The following RUNDC3B variants were observed in gnomAD, a reference collection of about 807,000 sequenced individuals.
The protein encoded by RUNDC3B is RUN domain containing 3B, also known as RUN domain-containing protein 3B.
Under a neutral mutation model 58.4 loss-of-function variants are expected in RUNDC3B, and 33 were observed. That is an observed-to-expected ratio of 0.56 (90% CI 0.43 to 0.75). The LOEUF (loss-of-function observed/expected upper bound fraction) is 0.75. RUNDC3B is among the 30% of genes least tolerant of loss of function. The pLI is 0.00. For missense variants in RUNDC3B, 501 were observed against 535.7 expected (o/e 0.94, Z 0.64); for synonymous variants, 193 against 195.2 (o/e 0.99, Z 0.10).
At chr7:87,642,310 A>C (rs1028982342) in intron 1 of RUNDC3B, among the ~76,000 whole-genome samples, 3 of 152,042 alleles carry the variant, frequency 2.0e-5, no homozygotes, top group Non-Finnish European at 2.9e-5. Context: ...ATAAACCATG[A>C]AGACTATATG....
chr7:87,831,079 T>G lies in RUNDC3B; in HGVS notation c.*1049T>G, dbSNP rs569173343. 39 of 151,252 alleles carry G rather than the reference T, an allele frequency of 2.6e-4. No individual in the cohort carries two copies. The highest frequency in any genetic ancestry group is 4.4e-4 in the African/African-American group (18 of 41,072). The allele number at this position is 151,252 out of a possible 1,614,324, so 9.4% of individuals were successfully genotyped here. On this transcript the variant is annotated 3_prime_UTR_variant, in exon 11 of 11. Transcript: ENST00000394654. ...CACTTATACACAGGTAAAATTAGTT[T>G]TTTTTTTTTTAAAGTTGTAATCTGT...
rs112188226 is a variant in RUNDC3B at position 87,674,224 on chromosome 7, C to T, written c.238+23287C>T. Among the ~76,000 whole-genome samples the T allele has an allele frequency of 4.3e-3, 653 of 152,214 alleles. 4 individuals are homozygous for T. Among genetic ancestry groups the T allele is most frequent in the Non-Finnish European group, 5.7e-3 (389 of 68,000 alleles). Reference sequence around the variant, plus strand: ...TCTGCAGAAGTATAGCGAGGTACACCCTCATTGGCTGGGGCAGGGTACCAG... The same window carrying T: ...TCTGCAGAAGTATAGCGAGGTACACTCTCATTGGCTGGGGCAGGGTACCAG... On this transcript the variant is annotated intron_variant, in intron 2 of 10. Coordinates refer to ENST00000394654, the MANE Select transcript of RUNDC3B (RefSeq NM_001134405.2).
At chr7:87,652,397 T>C (rs1379662213) in intron 2 of RUNDC3B, among the ~76,000 whole-genome samples, 1 of 152,016 alleles carries the variant, frequency 6.6e-6, no homozygotes, top group East Asian at 1.9e-4. Flanking sequence ...TTCAGCAAAA[T>C]ATAGATCACA....
chr7:87,646,414 T>G (rs983088878), intron 1 of RUNDC3B, among the ~76,000 whole-genome samples: 5 of 152,202 alleles, frequency 3.3e-5, no homozygotes, highest in African/African-American at 9.6e-5. Context: ...TAGATTTTTA[T>G]TTTTGATGAA....
intron 6 of RUNDC3B, among the ~76,000 whole-genome samples, chr7:87,765,758 A>G (rs1000246216): frequency 6.6e-6 from 1 of 152,068 alleles, no homozygotes; most frequent in Non-Finnish European, 1.5e-5. Flanking sequence ...TGAGAAAAAT[A>G]TATATTCTGT....
intron 8 of RUNDC3B, among the ~76,000 whole-genome samples, chr7:87,783,803 T>A (rs1441951793): frequency 2.0e-5 from 3 of 152,230 alleles, no homozygotes; most frequent in Non-Finnish European, 4.4e-5. Context: ...GTATTTCTTT[T>A]CTTTAAGAAT....
intron 2 of RUNDC3B, among the ~76,000 whole-genome samples, chr7:87,654,757 A>C (rs1374642054): frequency 6.6e-6 from 1 of 152,114 alleles, no homozygotes; most frequent in Non-Finnish European, 1.5e-5. Context: ...ACATCATCAG[A>C]GTAAAGAGAC....
At chr7:87,736,238 G>A (rs989423253) in intron 4 of RUNDC3B, among the ~76,000 whole-genome samples, 3 of 151,990 alleles carry the variant, frequency 2.0e-5, no homozygotes, top group Non-Finnish European at 4.4e-5. Flanking sequence ...TTAATATTGT[G>A]CTTTCAAATA....
intron 1 of RUNDC3B, 103 bp downstream of exon 1, chr7:87,629,048 CA>C: frequency 9.0e-7 from 1 of 1,107,564 alleles, no homozygotes; most frequent in Non-Finnish European, 1.2e-6. Context: ...GGCTGCCGCC[CA>C]GTGCCCCCGC....
chr7:87,645,915 ATATGAATG>A (rs1260271460), intron 1 of RUNDC3B, among the ~76,000 whole-genome samples: 2 of 152,182 alleles, frequency 1.3e-5, no homozygotes, highest in Admixed American at 6.5e-5. Context: ...GGAGAGCAGG[ATATGAATG>A]ATGAAGCAAA....
At chr7:87,798,514 G>T (rs1168983664) in intron 8 of RUNDC3B, among the ~76,000 whole-genome samples, 1 of 152,060 alleles carries the variant, frequency 6.6e-6, no homozygotes, top group Non-Finnish European at 1.5e-5. Flanking sequence ...CCTTCATGTT[G>T]AATCTTGTGT....
chr7:87,818,305 T>C (rs548252527), intron 10 of RUNDC3B, among the ~76,000 whole-genome samples: 1 of 152,292 alleles, frequency 6.6e-6, no homozygotes, highest in African/African-American at 2.4e-5. Flanking sequence ...TAAAAGTTAC[T>C]TACAGAGTTT....
At chr7:87,742,028 G>A (rs893502036) in intron 6 of RUNDC3B, among the ~76,000 whole-genome samples, 1 of 152,070 alleles carries the variant, frequency 6.6e-6, no homozygotes, top group Non-Finnish European at 1.5e-5. Flanking sequence ...TGAAAAATCT[G>A]ATGACTCTTA....
At chr7:87,658,034 G>T (rs760017634) in intron 2 of RUNDC3B, among the ~76,000 whole-genome samples, 1 of 152,090 alleles carries the variant, frequency 6.6e-6, no homozygotes, top group Non-Finnish European at 1.5e-5. Flanking sequence ...CAAGAACCAG[G>T]AAGATCTCAG....
At chr7:87,637,525 A>T (rs1033644574) in intron 1 of RUNDC3B, among the ~76,000 whole-genome samples, 1 of 152,170 alleles carries the variant, frequency 6.6e-6, no homozygotes, top group African/African-American at 2.4e-5. Flanking sequence ...TCTTTATGAT[A>T]TTAAGACTTA....
At chr7:87,715,317 TATA>T (rs1050882061) in intron 4 of RUNDC3B, among the ~76,000 whole-genome samples, 4 of 131,176 alleles carry the variant, frequency 3.0e-5, no homozygotes, top group South Asian at 2.1e-4. Flanking sequence ...ATAATTAATT[TATA>T]ATAATTATAT....
At chr7:87,816,534 A>G (rs965420463) in intron 10 of RUNDC3B, among the ~76,000 whole-genome samples, 6 of 152,074 alleles carry the variant, frequency 3.9e-5, no homozygotes, top group Non-Finnish European at 1.5e-5. Flanking sequence ...TGTCACTTCA[A>G]TAAAAGGACT....
intron 6 of RUNDC3B, among the ~76,000 whole-genome samples, chr7:87,759,532 C>A (rs867618252): frequency 6.6e-6 from 1 of 152,068 alleles, no homozygotes; most frequent in Non-Finnish European, 1.5e-5. Flanking sequence ...CATGGTGGCT[C>A]ATGCCTATAA....
intron 5 of RUNDC3B, among the ~76,000 whole-genome samples, chr7:87,740,764 A>T (rs1284783372): frequency 6.6e-6 from 1 of 152,182 alleles, no homozygotes; most frequent in East Asian, 1.9e-4. Flanking sequence ...AGGTTTAATT[A>T]GCTTAATTGT....
Sources: gnomAD v4.1 joint callset for allele counts (sites outside exome capture counted in the v4.1 genomes callset) on GRCh38, gnomAD v4.1.1 for gene constraint, MANE v1.5 for transcripts, NCBI Gene and HGNC (gene_info 2026-07-23, HGNC 2026-07-21) for gene names.